The following SNX29 variants were observed in gnomAD, a reference collection of about 807,000 sequenced individuals.
SNX29 encodes sorting nexin-29.
In SNX29, 78 loss-of-function variants were observed where a neutral mutation model predicts 102.1. The ratio of observed to expected loss-of-function variants is 0.76; its 90% CI spans 0.64 to 0.92. SNX29 has a LOEUF of 0.92. SNX29 is among the 40% of genes least tolerant of loss of function. The pLI, the probability that SNX29 is intolerant of heterozygous loss-of-function variation, is 0.00. For synonymous variants in SNX29, 580 were observed against 414.5 expected, an observed-to-expected ratio of 1.40 and a Z score of -4.85; for missense variants, 1,280 against 1,061.7, an observed-to-expected ratio of 1.21 and a Z score of -2.86.
intron 14 of SNX29, among the ~76,000 whole-genome samples, chr16:12,269,803 T>A (rs890661657): frequency 6.6e-6 from 1 of 151,652 alleles, no homozygotes; most frequent in African/African-American, 2.4e-5. Context: ...TGTCATTCTT[T>A]CCATTTTACT....
intron 20 of SNX29, among the ~76,000 whole-genome samples, chr16:12,560,135 TC>T (rs57116555): frequency 0.21 from 28,960 of 135,486 alleles, 3,522 homozygotes; most frequent in East Asian, 0.45. Context: ...TGTGTTCCCC[TC>T]CCCCCCCCAA....
rs1162804691 is a variant in SNX29, at chr16:12,461,795, A to G, written c.2038-15924A>G. On this transcript the variant is annotated intron_variant, in intron 18 of 20. Transcript: ENST00000566228. ...AACATGGTGAAACCCTGTCTCTACT[A>G]AAAATACAAAATTAGCCGGGCATGG... is the stretch of plus-strand genomic sequence containing the variant. 4.7e-5 allele frequency among the ~76,000 whole-genome samples: 7 copies of G among 150,474 alleles called. No individual in the cohort carries two copies. The East Asian group carries it at 1.4e-3, about 30-fold the overall frequency.
chr16:12,480,875 G>GT (rs1225112344), intron 19 of SNX29, among the ~76,000 whole-genome samples: 1 of 152,110 alleles, frequency 6.6e-6, no homozygotes, highest in Non-Finnish European at 1.5e-5. Flanking sequence ...TTTTGTTGTT[G>GT]TTGTTTGTTT....
intron 20 of SNX29, among the ~76,000 whole-genome samples, chr16:12,566,447 T>G (rs1210301016): frequency 1.3e-5 from 2 of 152,256 alleles, no homozygotes; most frequent in East Asian, 1.9e-4. Flanking sequence ...GCTCTGGTCA[T>G]TGCAGGGCAG....
chr16:12,301,613 G>C (rs975107210), intron 15 of SNX29, among the ~76,000 whole-genome samples: 3 of 152,166 alleles, frequency 2.0e-5, no homozygotes, highest in Admixed American at 6.5e-5. Context: ...CAGTCTTCTC[G>C]ATTACGTCGT....
intron 14 of SNX29, among the ~76,000 whole-genome samples, chr16:12,250,866 T>C (rs1484987829): frequency 6.7e-6 from 1 of 149,890 alleles, no homozygotes; most frequent in Non-Finnish European, 1.5e-5. Flanking sequence ...CCCAGAGAGC[T>C]CCAGTCGCCT....
chr16:12,350,807 T>A (rs1309343083), intron 15 of SNX29, among the ~76,000 whole-genome samples: 1 of 152,150 alleles, frequency 6.6e-6, no homozygotes, highest in African/African-American at 2.4e-5. Context: ...TTCTTTGAGG[T>A]CCTTCCCCTC....
intron 20 of SNX29, chr16:12,546,586 C>G (rs1289195736): frequency 5.9e-5 from 9 of 152,146 alleles, no homozygotes; most frequent in Non-Finnish European, 1.3e-4. Flanking sequence ...TGTGTCCCCA[C>G]CCAAGGATAA....
chr16:11,984,844 A>G (rs1191859064), intron 1 of SNX29, among the ~76,000 whole-genome samples: 1 of 152,086 alleles, frequency 6.6e-6, no homozygotes, highest in Non-Finnish European at 1.5e-5. Context: ...GTGTAGAGAC[A>G]GGGTCTCAGT....
At chr16:12,217,031 C>T (rs774709812) in intron 14 of SNX29, among the ~76,000 whole-genome samples, 1 of 152,076 alleles carries the variant, frequency 6.6e-6, no homozygotes, top group African/African-American at 2.4e-5. Context: ...TGCTGGGTTT[C>T]TTTTGTTTTT....
intron 14 of SNX29, among the ~76,000 whole-genome samples, chr16:12,250,218 G>A (rs541150621): frequency 8.5e-5 from 13 of 152,358 alleles, no homozygotes; most frequent in South Asian, 4.1e-4. Context: ...AGCGGGCACG[G>A]GAGTTGAAAG....
chr16:12,549,503 G>T (rs554798936), intron 20 of SNX29, among the ~76,000 whole-genome samples: 48 of 151,940 alleles, frequency 3.2e-4, no homozygotes, highest in African/African-American at 1.1e-3. Flanking sequence ...ATACAAAGAT[G>T]TTCATGCCAT....
intron 18 of SNX29, 138 bp from the exon 19 acceptor site, chr16:12,477,581 C>G: frequency 1.0e-6 from 1 of 989,826 alleles, no homozygotes; most frequent in Non-Finnish European, 1.5e-6. Context: ...TGCTCTATGC[C>G]AGGAACTGGG....
rs1163569342 is a variant in SNX29 at position 12,364,416 on chromosome 16, CTT to C, written c.1899+8151_1899+8152del. Among the ~76,000 whole-genome samples, 829 of 98,702 alleles carry C rather than the reference CTT, an allele frequency of 8.4e-3. 9 individuals carry two copies. The highest frequency in any genetic ancestry group is 0.015 in the Non-Finnish European group (618 of 40,774). The allele number at this position is 98,702 out of a possible 152,430, so 64.8% of individuals were successfully genotyped here. A position where few individuals can be genotyped will look rare whatever the true frequency, so the allele number is the denominator to read the frequency against. The stretch of plus-strand genomic sequence containing the variant: ...AAGGATTGAATTTTTCTCTCTTCTT[CTT>C]TTTTTTTTTTTTTACTGTGAGTATT... On this transcript the variant is annotated intron_variant, in intron 16 of 20. Coordinates refer to ENST00000566228, the MANE Select transcript of SNX29 (RefSeq NM_032167.5).
chr16:11,976,947 C>G, intron 1 of SNX29, 134 bp downstream of exon 1: 1 of 1,154,426 alleles, frequency 8.7e-7, no homozygotes, highest in East Asian at 3.3e-5. Flanking sequence ...CTTTTCCAGA[C>G]CCCTGGCCCC....
intron 15 of SNX29, among the ~76,000 whole-genome samples, chr16:12,319,517 A>G (rs948563165): frequency 2.0e-5 from 3 of 152,188 alleles, no homozygotes; most frequent in Non-Finnish European, 4.4e-5. Flanking sequence ...CCACCTCTTC[A>G]GAGACACTCA....
At position 12,059,097 on chromosome 16, in the gene SNX29, C is replaced by T. The variant is rs575729304; in HGVS notation, c.1125-2431C>T. Among the ~76,000 whole-genome samples, 8 of 152,212 alleles carry T rather than the reference C, an allele frequency of 5.3e-5. No homozygotes were observed. In the South Asian group the frequency reaches 6.2e-4, roughly 12 times the overall value. On this transcript the variant is annotated intron_variant, in intron 8 of 20. Transcript: ENST00000566228. ...ATCTTTAATGTAACTCATTTTGAGG[C>T]GGTGGTCCTTGGGGCTCACTTCTCG...
intron 4 of SNX29, among the ~76,000 whole-genome samples, chr16:12,028,805 A>G (rs1174617392): frequency 6.6e-6 from 1 of 152,014 alleles, no homozygotes; most frequent in Admixed American, 6.6e-5. Context: ...CTGGAGTGCA[A>G]TGGCACCGTC....
At chr16:12,107,162 A>G (rs1259601875) in intron 11 of SNX29, among the ~76,000 whole-genome samples, 1 of 152,082 alleles carries the variant, frequency 6.6e-6, no homozygotes, top group African/African-American at 2.4e-5. Context: ...AATTAGTTAA[A>G]CGGCCACAGC....
Sources: allele counts gnomAD v4.1 joint callset (sites outside exome capture counted in the v4.1 genomes callset), GRCh38; gene constraint gnomAD v4.1.1; transcripts MANE v1.5; gene names NCBI Gene and HGNC (gene_info 2026-07-23, HGNC 2026-07-21).